The following MAPK10 variants were observed in gnomAD, a reference collection of about 807,000 sequenced individuals.
MAPK10 encodes JNK3 alpha protein kinase.
In MAPK10, 25 loss-of-function variants were observed where a neutral mutation model predicts 59.3. That is an observed-to-expected ratio of 0.42 (90% CI 0.31 to 0.59). The LOEUF is 0.59. Ranked by LOEUF, MAPK10 falls within the 20% of genes least tolerant of loss-of-function variation. The probability of loss-of-function intolerance (pLI) is 0.15; values close to 1 mark genes in which losing one functional copy is unlikely to be tolerated. For missense variants in MAPK10, 351 were observed against 568.9 expected, an observed-to-expected ratio of 0.62 and a Z score of 3.90; for synonymous variants, 190 against 200.5, an observed-to-expected ratio of 0.95 and a Z score of 0.44.
chr4:86,499,610 C>A (rs1002802203), intron 1 of MAPK10, among the ~76,000 whole-genome samples: 1 of 152,158 alleles, frequency 6.6e-6, no homozygotes, highest in African/African-American at 2.4e-5. Context: ...TTGCTTTAAT[C>A]GTTGATTTTG....
intron 9 of MAPK10, among the ~76,000 whole-genome samples, chr4:86,069,261 TC>T (rs2047308820): frequency 6.6e-6 from 1 of 152,152 alleles, no homozygotes; most frequent in Non-Finnish European, 1.5e-5. Flanking sequence ...ATCCTTTTCT[TC>T]ATCTCTATAA....
intron 11 of MAPK10, among the ~76,000 whole-genome samples, chr4:86,058,754 A>C (rs973922180): frequency 1.5e-5 from 2 of 132,276 alleles, no homozygotes; most frequent in Non-Finnish European, 3.3e-5. Flanking sequence ...CTGATCTTAG[A>C]CCACATGTCT....
intron 9 of MAPK10, among the ~76,000 whole-genome samples, chr4:86,073,671 C>T (rs1386887580): frequency 9.0e-6 from 1 of 111,314 alleles, no homozygotes; most frequent in Non-Finnish European, 1.9e-5. Context: ...CATTCAGGAG[C>T]AGGTTGTTCA....
chr4:86,222,368 G>A (rs539876360), intron 2 of MAPK10, among the ~76,000 whole-genome samples: 16 of 152,192 alleles, frequency 1.1e-4, no homozygotes, highest in African/African-American at 1.9e-4. Flanking sequence ...CAGCTGAGCC[G>A]TTTCCTAAAA....
At chr4:86,473,170 G>A (rs184135588) in intron 1 of MAPK10, among the ~76,000 whole-genome samples, 3 of 152,172 alleles carry the variant, frequency 2.0e-5, no homozygotes, top group Admixed American at 6.5e-5. Flanking sequence ...GTTCTATTTA[G>A]GACCTGCAAA....
intron 1 of MAPK10, among the ~76,000 whole-genome samples, chr4:86,406,116 T>C (rs1328218972): frequency 6.6e-6 from 1 of 152,164 alleles, no homozygotes; most frequent in African/African-American, 2.4e-5. Context: ...GAGACCTATA[T>C]ATGGACAATA....
At chr4:86,392,491 T>C (rs1460167120) in intron 1 of MAPK10, 3 of 151,774 alleles carry the variant, frequency 2.0e-5, no homozygotes, top group South Asian at 2.1e-4. Flanking sequence ...GGACTCTGAG[T>C]TCTGAACCAA....
intron 9 of MAPK10, chr4:86,081,203 TA>T (rs1432379397): frequency 6.6e-6 from 1 of 152,000 alleles, no homozygotes; most frequent in Non-Finnish European, 1.5e-5. Context: ...GAAACTGGAA[TA>T]AAGTAGGTCC....
upstream of MAPK10, among the ~76,000 whole-genome samples, chr4:86,362,166 T>C (rs1368840211): frequency 1.3e-5 from 2 of 152,102 alleles, no homozygotes; most frequent in Non-Finnish European, 2.9e-5. Context: ...ACAATTATTG[T>C]CAATTACAAA....
At position 86,017,398 on chromosome 4, in the gene MAPK10, G is replaced by T; in HGVS notation, c.1253-28C>A. Reference sequence around the variant, plus strand: ...GTGCTAAGAAAATGAAGACCAACATGACTCAATCTAGAACCAGACCCATCT... The same window carrying T: ...GTGCTAAGAAAATGAAGACCAACATTACTCAATCTAGAACCAGACCCATCT... On this transcript the variant is annotated intron_variant, in intron 13 of 13. Coordinates refer to ENST00000641462, the MANE Select transcript of MAPK10 (RefSeq NM_138982.4). This position sits in a 1 kb window ranked among gnomAD's most constrained non-coding sequence, Gnocchi z 4.4. The T allele has an allele frequency of 1.9e-6, 3 of 1,613,144 alleles. No individual in the cohort carries two copies. In the South Asian group the frequency reaches 3.3e-5, roughly 18 times the overall value.
At chr4:86,562,710 A>T (rs931999473) in intron 1 of MAPK10, among the ~76,000 whole-genome samples, 1 of 151,896 alleles carries the variant, frequency 6.6e-6, no homozygotes, top group African/African-American at 2.4e-5. Flanking sequence ...AATAAAAATA[A>T]AAAAAAACAA....
intron 1 of MAPK10, among the ~76,000 whole-genome samples, chr4:86,472,535 A>G (rs1307522377): frequency 1.3e-5 from 2 of 152,136 alleles, no homozygotes; most frequent in East Asian, 3.9e-4. Flanking sequence ...TAGTCCCACT[A>G]CTTGGGAGGG....
intron 4 of MAPK10, among the ~76,000 whole-genome samples, chr4:86,154,244 C>T (rs1318020061): frequency 6.6e-6 from 1 of 152,058 alleles, no homozygotes. Flanking sequence ...ATGCTCCCAT[C>T]CATATTCTGT....
intron 1 of MAPK10, among the ~76,000 whole-genome samples, chr4:86,555,100 G>T (rs1030268614): frequency 2.0e-5 from 3 of 152,166 alleles, no homozygotes; most frequent in Non-Finnish European, 4.4e-5. Context: ...TTATTTCTGT[G>T]TATTCAATTT....
chr4:86,394,585 T>C (rs1250003951), intron 1 of MAPK10, among the ~76,000 whole-genome samples: 1 of 152,094 alleles, frequency 6.6e-6, no homozygotes, highest in Admixed American at 6.6e-5. Flanking sequence ...CTGAGAAACA[T>C]TTATTTAATA....
rs543662692 is a variant in MAPK10, at chr4:86,544,125, C to T, written c.-263+49785G>A. Among the ~76,000 whole-genome samples, 11 of 152,222 alleles carry T rather than the reference C, an allele frequency of 7.2e-5. No individual in the cohort carries two copies. In the South Asian group the frequency reaches 2.3e-3, roughly 32 times the overall value. The stretch of plus-strand genomic sequence containing the variant: ...GAATTCCAATAAGAAGATTATCACC[C>T]ACAAAGAATGCCGGAGACAGGTTTT... On this transcript the variant is annotated intron_variant, in intron 1 of 4. Transcript: ENST00000502302.
chr4:86,071,150 G>A (rs1390828572), intron 9 of MAPK10, among the ~76,000 whole-genome samples: 1 of 151,994 alleles, frequency 6.6e-6, no homozygotes, highest in East Asian at 1.9e-4. Flanking sequence ...CAGTGATGAT[G>A]AGCATTTTTT....
intron 2 of MAPK10, chr4:86,321,983 C>T (rs1052961168): frequency 1.2e-4 from 18 of 151,918 alleles, no homozygotes; most frequent in Admixed American, 8.5e-4. Context: ...AAGAATAAGC[C>T]GCCACACCCA....
At chr4:86,184,586 G>C (rs1268117897) in intron 3 of MAPK10, among the ~76,000 whole-genome samples, 1 of 152,110 alleles carries the variant, frequency 6.6e-6, no homozygotes, top group Non-Finnish European at 1.5e-5. Context: ...CTGGTGGGAG[G>C]TGTTTGGGTC....
Sources: allele counts gnomAD v4.1 joint callset (sites outside exome capture counted in the v4.1 genomes callset), GRCh38; gene constraint gnomAD v4.1.1; non-coding constraint Gnocchi (gnomAD v3.1); transcripts MANE v1.5; gene names NCBI Gene and HGNC (gene_info 2026-07-23, HGNC 2026-07-21).